The following TMEM268 variants were observed in gnomAD, a reference collection of about 807,000 sequenced individuals.
TMEM268 encodes transmembrane protein C9orf91.
In TMEM268, 24 loss-of-function variants were observed where a neutral mutation model predicts 39.1. The observed-to-expected ratio is 0.61, with a 90% CI of 0.44 to 0.86. The LOEUF is 0.86. Among genes scored for constraint, TMEM268 ranks in the 40% least tolerant of loss-of-function variants. The pLI is 0.00. For synonymous variants in TMEM268, 176 were observed against 173.5 expected (o/e 1.01, Z -0.12); for missense variants, 409 against 428.6 (o/e 0.95, Z 0.40).
chr9:114,613,614 T>C (rs548241321), intron 1 of TMEM268, among the ~76,000 whole-genome samples: 1 of 152,326 alleles, frequency 6.6e-6, no homozygotes, highest in East Asian at 1.9e-4. Flanking sequence ...TTAGCATATT[T>C]AGGAGAGTCT....
At position 114,624,191 on chromosome 9, in the gene TMEM268, A is replaced by G. The variant is rs1048115453; in HGVS notation, c.107-159A>G. 8 of 1,407,870 alleles carry G rather than the reference A, an allele frequency of 5.7e-6. 1 individual carries two copies. The highest frequency in any genetic ancestry group is 7.4e-6 in the Non-Finnish European group (8 of 1,076,500). 87.2% of individuals were successfully genotyped at this position (1,407,870 alleles called of 1,614,324 possible). A position where few individuals can be genotyped will look rare whatever the true frequency, so the allele number is the denominator to read the frequency against. On this transcript the variant is annotated intron_variant, in intron 2 of 8. Coordinates refer to ENST00000288502, the MANE Select transcript of TMEM268 (RefSeq NM_153045.4). ...TCCTGGGGGCTTCCCAGTCAAATCCAGTCCTTCTCTCAAGAGGATTTGAGG... is the reference window on the plus strand; with the variant it reads ...TCCTGGGGGCTTCCCAGTCAAATCCGGTCCTTCTCTCAAGAGGATTTGAGG...
intron 1 of TMEM268, among the ~76,000 whole-genome samples, chr9:114,611,878 C>G (rs566832874): frequency 6.6e-6 from 1 of 152,338 alleles, no homozygotes; most frequent in African/African-American, 2.4e-5. Flanking sequence ...AGGGCGGAGA[C>G]TGAGACTGGG....
intron 2 of TMEM268, 40 bp downstream of exon 2, chr9:114,617,341 T>C: frequency 6.7e-7 from 1 of 1,492,394 alleles, no homozygotes; most frequent in African/African-American, 1.4e-5. Context: ...TCTTTCTACC[T>C]CATGCTGAAC....
intron 3 of TMEM268, among the ~76,000 whole-genome samples, chr9:114,625,684 C>T (rs1846130619): frequency 6.6e-6 from 1 of 151,366 alleles, no homozygotes. Context: ...TTCAAGTGAT[C>T]CACCCGCCTC....
Position 114,643,371 on chromosome 9 carries a change from A to G in TMEM268, c.*58A>G. On this transcript the variant is annotated 3_prime_UTR_variant, in exon 9 of 9. Transcript: ENST00000288502. The stretch of plus-strand genomic sequence containing the variant: ...ACTGAGCAGTCAGGAAGGCTTCAGG[A>G]GCCCAAGATGGCCAATGGGGAGCCC... 2.0e-6 allele frequency: 3 copies of G among 1,531,448 alleles called. No homozygotes were observed. Among genetic ancestry groups the G allele is most frequent in the Admixed American group, 3.5e-5 (2 of 57,858 alleles). The allele number at this position is 1,531,448 out of a possible 1,614,324, so 94.9% of individuals were successfully genotyped here.
the TMEM268 span, among the ~76,000 whole-genome samples, chr9:114,605,350 T>C: frequency 6.6e-6 from 1 of 152,122 alleles, no homozygotes; most frequent in Non-Finnish European, 1.5e-5. Context: ...TTTCTGGTTT[T>C]TTTTTTCCTT....
At chr9:114,628,680 A>G (rs1846264593) in intron 5 of TMEM268, among the ~76,000 whole-genome samples, 1 of 152,152 alleles carries the variant, frequency 6.6e-6, no homozygotes, top group Non-Finnish European at 1.5e-5. Flanking sequence ...TGACGGGCAG[A>G]TGCCGACCTG....
chr9:114,616,392 G>T (rs1181274642), intron 1 of TMEM268, among the ~76,000 whole-genome samples: 2 of 151,150 alleles, frequency 1.3e-5, no homozygotes, highest in East Asian at 2.0e-4. Context: ...TTGAGACAGG[G>T]TCTCTCTCTG....
In TMEM268 at chr9:114,638,723, G is replaced by A. The variant is rs115403322; in HGVS notation, c.846G>A (p.Pro282=). Residue 282 remains proline, a synonymous_variant, in exon 8 of 9, where the codon CCG becomes CCA. Transcript: ENST00000288502. The part of the protein sequence containing the change: ...ELHQLVPEAE[P]EEMARQLLAV... ...ATCAGCTTGTTCCTGAGGCTGAGCC[G>A]GAGGTAACAGGCACTGGGGCTTGTT... 8.1e-4 allele frequency: 1,266 copies of A among 1,572,082 alleles called. 11 individuals are homozygous for A. The African/African-American group carries it at 0.015, about 18-fold the overall frequency.
rs1340528139 is a variant in TMEM268, at chr9:114,633,880, TG to T, written c.585+3del. 1 of 1,563,708 alleles carries T rather than the reference TG, an allele frequency of 6.4e-7. No individual in the cohort carries two copies. Among genetic ancestry groups the T allele is most frequent in the African/African-American group, 1.4e-5 (1 of 73,548 alleles). On this transcript the variant is annotated splice_donor_region_variant and intron_variant, in intron 6 of 8. Transcript: ENST00000288502. ...GAAGGATGCCAGAGTGTGATTCAGG[TG>T]CTGTGTCTCATAGTTACCTCTTCCT...
chr9:114,643,519 CT>C lies in TMEM268; in HGVS notation c.*207del, dbSNP rs1332076251. The C allele has an allele frequency of 3.5e-6, 2 of 572,520 alleles. No individual in the cohort carries two copies. Among genetic ancestry groups the C allele is most frequent in the East Asian group, 2.9e-5 (1 of 34,874 alleles). 35.5% of individuals were successfully genotyped at this position (572,520 alleles called of 1,614,324 possible). A position where few individuals can be genotyped will look rare whatever the true frequency, so the allele number is the denominator to read the frequency against. ...TTGTTTGACATCTCATGCTGACCCC[CT>C]GGCCTTTGCAGAAGCTGATGGTTAC... On this transcript the variant is annotated 3_prime_UTR_variant, in exon 9 of 9. Transcript: ENST00000288502.
intron 2 of TMEM268, among the ~76,000 whole-genome samples, chr9:114,620,294 G>C (rs1489452727): frequency 1.3e-5 from 2 of 152,092 alleles, no homozygotes; most frequent in East Asian, 3.8e-4. Context: ...GCCCAGGCTG[G>C]AATACAGTGG....
chr9:114,607,038 T>C (rs779490251), upstream of TMEM268, among the ~76,000 whole-genome samples: 1 of 152,234 alleles, frequency 6.6e-6, no homozygotes, highest in Non-Finnish European at 1.5e-5. Context: ...CAAACAGTGT[T>C]GGCAGCTAGC....
Position 114,643,347 on chromosome 9 carries a change from C to G in TMEM268, c.*34C>G, listed in dbSNP as rs373624532. 3.1e-6 allele frequency: 5 copies of G among 1,606,364 alleles called. No individual in the cohort carries two copies. In the African/African-American group the frequency reaches 4.0e-5, roughly 13 times the overall value. ...TGAAGGTACTCATCTTCCTTCAAGA[C>G]TGAGCAGTCAGGAAGGCTTCAGGAG... is the stretch of plus-strand genomic sequence containing the variant. On this transcript the variant is annotated 3_prime_UTR_variant, in exon 9 of 9. Transcript: ENST00000288502.
rs573575924 is a variant in TMEM268, at chr9:114,622,397, C to G, written c.107-1953C>G. On this transcript the variant is annotated intron_variant, in intron 2 of 8. Coordinates refer to ENST00000288502, the MANE Select transcript of TMEM268 (RefSeq NM_153045.4). Reference sequence around the variant, plus strand: ...CCCAGGGCTGGAATCTCTCCCACCCCCCAGACCTCCTGGCTGCTGACCAGT... The same window carrying G: ...CCCAGGGCTGGAATCTCTCCCACCCGCCAGACCTCCTGGCTGCTGACCAGT... The G allele has an allele frequency of 5.0e-3, 4,894 of 985,352 alleles. 8 individuals carry two copies. Among genetic ancestry groups the G allele is most frequent in the Non-Finnish European group, 5.4e-3 (4,483 of 829,914 alleles). The allele number at this position is 985,352 out of a possible 1,614,324, so 61.0% of individuals were successfully genotyped here. A position where few individuals can be genotyped will look rare whatever the true frequency, so the allele number is the denominator to read the frequency against.
upstream of TMEM268, among the ~76,000 whole-genome samples, chr9:114,608,026 A>G (rs1469973366): frequency 2.6e-5 from 4 of 152,254 alleles, no homozygotes; most frequent in Non-Finnish European, 4.4e-5. Flanking sequence ...GGCCCACCAC[A>G]AGGACCTTGT....
the TMEM268 span, among the ~76,000 whole-genome samples, chr9:114,604,027 T>A: frequency 5.9e-5 from 9 of 151,686 alleles, no homozygotes; most frequent in Non-Finnish European, 1.0e-4. Flanking sequence ...TTTTTTTTTT[T>A]ATGGGATATG....
chr9:114,616,720 A>C (rs530443921), intron 1 of TMEM268, among the ~76,000 whole-genome samples: 1 of 151,916 alleles, frequency 6.6e-6, no homozygotes, highest in Non-Finnish European at 1.5e-5. Context: ...AGCTACTTGA[A>C]ATCCTGTGTG....
Position 114,617,228 on chromosome 9 carries a change from C to T in TMEM268, c.33C>T (p.Ala11=), listed in dbSNP as rs772982068. Residue 11 remains alanine, a synonymous_variant, in exon 2 of 9, where the codon GCC becomes GCT. Coordinates refer to ENST00000288502, the MANE Select transcript of TMEM268 (RefSeq NM_153045.4). MACEPQVDPG[A]TGPLPPSSPG... Reference sequence around the variant, plus strand: ...GTGAACCACAGGTGGACCCGGGGGCCACTGGCCCATTGCCCCCCTCCTCCC... The same window carrying T: ...GTGAACCACAGGTGGACCCGGGGGCTACTGGCCCATTGCCCCCCTCCTCCC... 6.2e-7 allele frequency: 1 copy of T among 1,611,604 alleles called. No individual in the cohort carries two copies. Among genetic ancestry groups the T allele is most frequent in the East Asian group, 2.2e-5 (1 of 44,772 alleles).
Sources: gnomAD v4.1 joint callset for allele counts (sites outside exome capture counted in the v4.1 genomes callset) on GRCh38, gnomAD v4.1.1 for gene constraint, MANE v1.5 for transcripts, NCBI Gene and HGNC (gene_info 2026-07-23, HGNC 2026-07-21) for gene names.